FHIP2A: variants seen among roughly 807,000 people sequenced by gnomAD.
FHIP2A encodes family with sequence similarity 160 member B1.
In FHIP2A, 46 loss-of-function variants were observed where a neutral mutation model predicts 93.5. The observed-to-expected ratio is 0.49, with a 90% CI of 0.39 to 0.63. The LOEUF (loss-of-function observed/expected upper bound fraction) is 0.63. Ranked by LOEUF, FHIP2A falls within the 20% of genes least tolerant of loss-of-function variation. FHIP2A has a pLI of 0.00. For missense variants in FHIP2A, 769 were observed against 909.7 expected (o/e 0.85, Z 1.99); for synonymous variants, 332 against 326.5 (o/e 1.02, Z -0.18).
At chr10:114,835,245 C>T (rs2083630454) in intron 3 of FHIP2A, among the ~76,000 whole-genome samples, 1 of 152,190 alleles carries the variant, frequency 6.6e-6, no homozygotes, top group South Asian at 2.1e-4. Flanking sequence ...ACATTGACTG[C>T]ACCAAGCTCT....
In FHIP2A at chr10:114,860,827, C is replaced by G; in HGVS notation, c.2026C>G (p.Leu676Val). The G allele has an allele frequency of 6.2e-7, 1 of 1,612,494 alleles. No homozygotes were observed. Among genetic ancestry groups the G allele is most frequent in the African/African-American group, 1.3e-5 (1 of 74,992 alleles). Residue 676 changes from leucine to valine, a missense_variant, in exon 15 of 17, where the codon CTT (leucine) becomes GTT (valine). Coordinates refer to ENST00000369248, the MANE Select transcript of FHIP2A (RefSeq NM_020940.4). ...CCCTCATCCACACATCCACGAGTAC[C>G]TTTTGGATCCTTACGTGAACCTCGC... Reference protein sequence around the residue: ...LFPHPHIHEYLLDPYVNLAPG... With the variant: ...LFPHPHIHEYVLDPYVNLAPG...
chr10:114,885,120 C>T (rs901971284), intron 16 of FHIP2A, among the ~76,000 whole-genome samples: 2 of 151,858 alleles, frequency 1.3e-5, no homozygotes, highest in Admixed American at 6.6e-5. Flanking sequence ...CCCGGCCTGG[C>T]GAGGTGGCTC....
At chr10:114,827,722 G>A (rs947227139) in intron 1 of FHIP2A, among the ~76,000 whole-genome samples, 22 of 151,626 alleles carry the variant, frequency 1.5e-4, no homozygotes, top group Middle Eastern at 3.4e-3. Context: ...GTGTGAACCC[G>A]GGAGGCGGAG....
chr10:114,855,313 C>T lies in FHIP2A; in HGVS notation c.1920C>T (p.Phe640=), dbSNP rs752865348. Residue 640 remains phenylalanine, a synonymous_variant, in exon 14 of 17, where the codon TTC becomes TTT. Transcript: ENST00000369248. The part of the protein sequence containing the change: ...FFEGHFLKVL[F]DRMGRILDQP... The stretch of plus-strand genomic sequence containing the variant: ...AAGGTCATTTTTTGAAAGTGCTGTT[C>T]GACAGAATGGGAAGAATTCTTGATC... 8.1e-6 allele frequency: 13 copies of T among 1,613,550 alleles called. No individual in the cohort carries two copies. The highest frequency in any genetic ancestry group is 1.7e-5 in the Admixed American group (1 of 59,976).
chr10:114,881,532 GA>G (rs1294012691), intron 16 of FHIP2A, among the ~76,000 whole-genome samples: 3 of 152,044 alleles, frequency 2.0e-5, no homozygotes, highest in African/African-American at 7.3e-5. Context: ...ACTTGTCTGG[GA>G]CCTTCATTCC....
intron 13 of FHIP2A, among the ~76,000 whole-genome samples, chr10:114,851,714 C>CCAA (rs774825413): frequency 2.4e-5 from 2 of 81,950 alleles, no homozygotes; most frequent in African/African-American, 9.7e-5. Context: ...TCCATTTCTG[C>CCAA]AAAAAAAAAA....
Position 114,863,047 on chromosome 10 carries a change from A to T in FHIP2A, c.*1507A>T. On this transcript the variant is annotated 3_prime_UTR_variant, in exon 17 of 17. Coordinates refer to ENST00000369248, the MANE Select transcript of FHIP2A (RefSeq NM_020940.4). Reference sequence around the variant, plus strand: ...TTTATTAAGAACAGAATATCAAAAGATTATGAATAGCCTCAGCTCTAGAAT... The same window carrying T: ...TTTATTAAGAACAGAATATCAAAAGTTTATGAATAGCCTCAGCTCTAGAAT... 1 of 985,016 alleles carries T rather than the reference A, an allele frequency of 1.0e-6. No homozygotes were observed. The allele number at this position is 985,016 out of a possible 1,614,324, so 61.0% of individuals were successfully genotyped here. A position where few individuals can be genotyped will look rare whatever the true frequency, so the allele number is the denominator to read the frequency against.
intron 14 of FHIP2A, among the ~76,000 whole-genome samples, chr10:114,856,734 C>T (rs1351406111): frequency 6.6e-6 from 1 of 152,232 alleles, no homozygotes; most frequent in East Asian, 1.9e-4. Context: ...AACAGAATAT[C>T]TGAAATACTT....
chr10:114,879,214 C>T (rs2083904760), intron 16 of FHIP2A, among the ~76,000 whole-genome samples: 1 of 152,182 alleles, frequency 6.6e-6, no homozygotes, highest in Admixed American at 6.5e-5. Context: ...TGGGCAATCT[C>T]CCAAGACTGC....
chr10:114,833,086 A>G, intron 2 of FHIP2A, 147 bp from the exon 3 acceptor site: 1 of 604,648 alleles, frequency 1.7e-6, no homozygotes, highest in Non-Finnish European at 2.9e-6. Flanking sequence ...TAGCAGAGAT[A>G]ATCATACTGT....
At chr10:114,882,419 G>C (rs995594831) in intron 16 of FHIP2A, among the ~76,000 whole-genome samples, 1 of 152,198 alleles carries the variant, frequency 6.6e-6, no homozygotes, top group Non-Finnish European at 1.5e-5. Context: ...CAGGCTCAGA[G>C]AGAGGAGAGA....
In FHIP2A at chr10:114,846,196, A is replaced by G; in HGVS notation, c.1227A>G (p.Thr409=). ...LMQTSEMGIL[T]STALLHRIVR... is the part of the protein sequence containing the mutation. Reference sequence around the variant, plus strand: ...TCAGTTCTGAGATGGGTATTCTCACATCCACTGCTCTGCTTCATCGCATCG... The same window carrying G: ...TCAGTTCTGAGATGGGTATTCTCACGTCCACTGCTCTGCTTCATCGCATCG... Residue 409 remains threonine (T), a synonymous_variant, in exon 10 of 17, where the codon ACA becomes ACG. Transcript: ENST00000369248. 2 of 1,614,150 alleles carry G rather than the reference A, an allele frequency of 1.2e-6. No individual in the cohort carries two copies. The highest frequency in any genetic ancestry group is 1.1e-5 in the South Asian group (1 of 91,086).
In FHIP2A at chr10:114,857,682, T is replaced by C. The variant is rs540761240; in HGVS notation, c.1947+2342T>C. Among the ~76,000 whole-genome samples the C allele has an allele frequency of 4.6e-5, 7 of 152,314 alleles. No individual in the cohort carries two copies. In the South Asian group the frequency reaches 1.5e-3, roughly 32 times the overall value. On this transcript the variant is annotated intron_variant, in intron 14 of 16. Transcript: ENST00000369248. ...GCATTTTCTTAGTATAGATTCCTAA[T>C]AGGGTCTAGGTAACTTGACTGAGAT...
chr10:114,850,902 T>TG (rs926905958), intron 13 of FHIP2A, among the ~76,000 whole-genome samples: 1 of 152,140 alleles, frequency 6.6e-6, no homozygotes, highest in African/African-American at 2.4e-5. Flanking sequence ...AATTTTGTTT[T>TG]TTTGTTTGTT....
chr10:114,842,085 G>T (rs1178039164), intron 5 of FHIP2A, among the ~76,000 whole-genome samples: 1 of 151,876 alleles, frequency 6.6e-6, no homozygotes, highest in Non-Finnish European at 1.5e-5. Flanking sequence ...TTGAGACAGG[G>T]TCTTGCTCTG....
intron 5 of FHIP2A, among the ~76,000 whole-genome samples, chr10:114,841,576 C>T (rs1010101390): frequency 6.6e-6 from 1 of 152,114 alleles, no homozygotes; most frequent in Non-Finnish European, 1.5e-5. Context: ...TGAGCCACTG[C>T]ACCCGGCCAA....
chr10:114,848,659 G>T lies in FHIP2A; in HGVS notation c.1725G>T (p.Leu575=). Residue 575 remains leucine (L), a synonymous_variant, in exon 13 of 17, where the codon CTG becomes CTT. Transcript: ENST00000369248. ...GTTTTCATTTAAGTTTTCTCTGTCTGGTACCGGATGACGCAAAATCCTCCT... is the reference window on the plus strand; with the variant it reads ...GTTTTCATTTAAGTTTTCTCTGTCTTGTACCGGATGACGCAAAATCCTCCT... ...VHKIVNSFLC[L]VPDDAKSSYH... is the part of the protein sequence containing the mutation. 6.2e-7 allele frequency: 1 copy of T among 1,607,304 alleles called. No individual in the cohort carries two copies. Among genetic ancestry groups the T allele is most frequent in the Non-Finnish European group, 8.5e-7 (1 of 1,175,866 alleles).
chr10:114,860,660 C>A, intron 14 of FHIP2A, 89 bp from the exon 15 acceptor site: 1 of 1,158,982 alleles, frequency 8.6e-7, no homozygotes, highest in Non-Finnish European at 1.3e-6. Flanking sequence ...CCAGATTCTC[C>A]TTTCTTAAAA....
At chr10:114,829,253 C>A (rs998566597) in intron 1 of FHIP2A, among the ~76,000 whole-genome samples, 1 of 151,240 alleles carries the variant, frequency 6.6e-6, no homozygotes, top group Non-Finnish European at 1.5e-5. Context: ...CATGAACTTT[C>A]TGGGGAAAGG....
Sources: allele counts gnomAD v4.1 joint callset (sites outside exome capture counted in the v4.1 genomes callset), GRCh38; gene constraint gnomAD v4.1.1; transcripts MANE v1.5; gene names NCBI Gene and HGNC (gene_info 2026-07-23, HGNC 2026-07-21).